Variants in EPHA6 observed in about 807,000 individuals in gnomAD.
The protein encoded by EPHA6 is ephrin type-A receptor 6.
In EPHA6, 50 loss-of-function variants were observed where a neutral mutation model predicts 112.0. The ratio of observed to expected loss-of-function variants is 0.45; its 90% confidence interval spans 0.36 to 0.56. The LOEUF (loss-of-function observed/expected upper bound fraction) is 0.56. Ranked by LOEUF, EPHA6 falls within the 20% of genes least tolerant of loss-of-function variation. The pLI is 0.00. For missense variants in EPHA6, 1,280 were observed against 1,417.4 expected (o/e 0.90, Z 1.56); for synonymous variants, 529 against 490.7 (o/e 1.08, Z -1.03).
chr3:97,346,332 C>T (rs2083530090), intron 5 of EPHA6, among the ~76,000 whole-genome samples: 1 of 152,000 alleles, frequency 6.6e-6, no homozygotes, highest in Non-Finnish European at 1.5e-5. Context: ...AAACACTTAG[C>T]CAGGAAACCA....
At chr3:97,512,800 G>A (rs1299034920) in intron 10 of EPHA6, among the ~76,000 whole-genome samples, 1 of 152,104 alleles carries the variant, frequency 6.6e-6, no homozygotes, top group Non-Finnish European at 1.5e-5. Context: ...CCTGACTTCC[G>A]GTGATCTGCC....
chr3:96,861,933 G>A (rs924333128), intron 1 of EPHA6, among the ~76,000 whole-genome samples: 2 of 151,792 alleles, frequency 1.3e-5, no homozygotes, highest in Non-Finnish European at 2.9e-5. Context: ...AGCAATCTAT[G>A]TTAGATTTTT....
chr3:97,033,106 A>G (rs549469049), intron 3 of EPHA6, among the ~76,000 whole-genome samples: 83 of 152,102 alleles, frequency 5.5e-4, no homozygotes, highest in Non-Finnish European at 9.3e-4. Context: ...ACCGAGGAAT[A>G]CAGGGAATCC....
chr3:96,959,024 C>T (rs1576170785), intron 2 of EPHA6, among the ~76,000 whole-genome samples: 1 of 151,986 alleles, frequency 6.6e-6, no homozygotes, highest in Non-Finnish European at 1.5e-5. Flanking sequence ...TGAGTATATA[C>T]CTAAGAATGG....
intron 2 of EPHA6, among the ~76,000 whole-genome samples, chr3:96,949,194 T>A (rs1162899919): frequency 6.6e-6 from 1 of 152,104 alleles, no homozygotes; most frequent in Non-Finnish European, 1.5e-5. Context: ...GGAGAAAAAA[T>A]TGTAAGTTTT....
intron 5 of EPHA6, among the ~76,000 whole-genome samples, chr3:97,304,719 C>A (rs2081242361): frequency 6.6e-6 from 1 of 151,994 alleles, no homozygotes; most frequent in Admixed American, 6.6e-5. Context: ...TGGACCCCTT[C>A]CTTACGCCTT....
chr3:97,526,598 G>T (rs1433529407), intron 10 of EPHA6, among the ~76,000 whole-genome samples: 1 of 150,560 alleles, frequency 6.6e-6, no homozygotes, highest in Non-Finnish European at 1.5e-5. Context: ...TGGGATGAAG[G>T]CCAGCAAGAC....
intron 5 of EPHA6, among the ~76,000 whole-genome samples, chr3:97,264,512 G>C (rs541574015): frequency 2.0e-5 from 3 of 152,350 alleles, no homozygotes; most frequent in African/African-American, 4.8e-5. Context: ...GACCCAAAGA[G>C]GGAGCCACAG....
chr3:97,645,093 G>A (rs2094046459), intron 14 of EPHA6, among the ~76,000 whole-genome samples: 1 of 152,080 alleles, frequency 6.6e-6, no homozygotes, highest in Non-Finnish European at 1.5e-5. Context: ...TCCACCATGT[G>A]AAAGTCAATG....
chr3:97,701,563 A>G (rs1360468247), intron 14 of EPHA6, among the ~76,000 whole-genome samples: 1 of 151,992 alleles, frequency 6.6e-6, no homozygotes, highest in South Asian at 2.1e-4. Flanking sequence ...ATACTCTCGT[A>G]TATTTTGATA....
chr3:96,931,018 A>AAAAAAAAAAAAAAAAG lies in EPHA6; in HGVS notation c.451-56309_451-56308insAAAAAAAAAAAAGAAA, dbSNP rs796531853. ...AAAAAAAAAAAAAAAAAAAAAAAAA[A>AAAAAAAAAAAAAAAAG]AAAGAAAAGCTTTCTGGCTGCTTTT... On this transcript the variant is annotated intron_variant, in intron 2 of 17. Transcript: ENST00000389672. Among the ~76,000 whole-genome samples the AAAAAAAAAAAAAAAAG allele has an allele frequency of 1.9e-4, 16 of 84,562 alleles. 6 individuals are homozygous for AAAAAAAAAAAAAAAAG. The highest frequency in any genetic ancestry group is 5.5e-4 in the African/African-American group (13 of 23,662). The allele number at this position is 84,562 out of a possible 152,430, so 55.5% of individuals were successfully genotyped here. A position where few individuals can be genotyped will look rare whatever the true frequency, so the allele number is the denominator to read the frequency against.
chr3:97,141,876 C>T (rs1036140216), intron 3 of EPHA6, among the ~76,000 whole-genome samples: 10 of 151,998 alleles, frequency 6.6e-5, no homozygotes, highest in Non-Finnish European at 1.2e-4. Flanking sequence ...GAAAAAGATA[C>T]AAAGGATTAA....
chr3:96,982,542 A>T (rs1321964406), intron 2 of EPHA6, among the ~76,000 whole-genome samples: 1 of 151,966 alleles, frequency 6.6e-6, no homozygotes, highest in African/African-American at 2.4e-5. Flanking sequence ...TTGATTTGGG[A>T]TGGAGAGTTC....
At chr3:96,832,304 TTAC>T (rs2034134536) in intron 1 of EPHA6, among the ~76,000 whole-genome samples, 1 of 152,068 alleles carries the variant, frequency 6.6e-6, no homozygotes, top group African/African-American at 2.4e-5. Flanking sequence ...AGGTGTAATT[TTAC>T]TACTACCATC....
chr3:96,973,623 A>T (rs1317991322), intron 2 of EPHA6, among the ~76,000 whole-genome samples: 1 of 151,692 alleles, frequency 6.6e-6, no homozygotes, highest in African/African-American at 2.4e-5. Flanking sequence ...CAGGAGTTCG[A>T]GACCAGTTTG....
intron 2 of EPHA6, among the ~76,000 whole-genome samples, chr3:96,899,829 T>G (rs1265168417): frequency 3.9e-5 from 6 of 152,150 alleles, no homozygotes; most frequent in Non-Finnish European, 4.4e-5. Context: ...CATAGGGATT[T>G]TGGAAATCTG....
intron 14 of EPHA6, chr3:97,648,461 T>C: frequency 7.6e-7 from 1 of 1,307,332 alleles, no homozygotes; most frequent in Non-Finnish European, 9.7e-7. Context: ...TTGGGAGAGA[T>C]TCTCCTTCAC....
intron 3 of EPHA6, among the ~76,000 whole-genome samples, chr3:97,202,977 G>C (rs1044135267): frequency 1.3e-5 from 2 of 152,090 alleles, no homozygotes; most frequent in Non-Finnish European, 2.9e-5. Flanking sequence ...AAGAACACCA[G>C]TGTGACTGGC....
chr3:97,444,526 C>T (rs2090259308), intron 6 of EPHA6, among the ~76,000 whole-genome samples: 1 of 152,162 alleles, frequency 6.6e-6, no homozygotes, highest in Admixed American at 6.6e-5. Context: ...CTTATACATA[C>T]CATGAGATTC....
Sources: allele counts gnomAD v4.1 joint callset (sites outside exome capture counted in the v4.1 genomes callset), GRCh38; gene constraint gnomAD v4.1.1; transcripts MANE v1.5; gene names NCBI Gene and HGNC (gene_info 2026-07-23, HGNC 2026-07-21).